Variants in PCMTD1 observed in about 807,000 individuals in gnomAD.
PCMTD1 encodes protein-L-isoaspartate O-methyltransferase domain-containing protein 1.
Under a neutral mutation model 37.6 loss-of-function variants are expected in PCMTD1, and 12 were observed. That is an observed-to-expected ratio of 0.32 (90% CI 0.20 to 0.52). The LOEUF (loss-of-function observed/expected upper bound fraction) is 0.52, where lower values mean the gene tolerates loss of function less well. PCMTD1 is among the 20% of genes least tolerant of loss of function. PCMTD1 has a pLI of 0.97. For synonymous variants in PCMTD1, 117 were observed against 135.8 expected (o/e 0.86, Z 0.96); for missense variants, 235 against 421.3 (o/e 0.56, Z 3.87).
intron 1 of PCMTD1, among the ~76,000 whole-genome samples, chr8:51,885,354 G>A (rs1016939640): frequency 2.0e-5 from 3 of 152,258 alleles, no homozygotes; most frequent in African/African-American, 7.2e-5. Flanking sequence ...GATCAGAGAG[G>A]GGAAGTTAGA....
intron 1 of PCMTD1, among the ~76,000 whole-genome samples, chr8:51,867,715 T>C (rs1482049189): frequency 1.3e-5 from 2 of 151,792 alleles, no homozygotes; most frequent in Non-Finnish European, 2.9e-5. Context: ...AAGACAGGCA[T>C]GGAAAGACAA....
At chr8:51,867,398 C>T (rs541213682) in intron 1 of PCMTD1, among the ~76,000 whole-genome samples, 9 of 151,782 alleles carry the variant, frequency 5.9e-5, no homozygotes, top group Admixed American at 1.3e-4. Context: ...TTCCCATGTT[C>T]ACTGCAGCAT....
intron 3 of PCMTD1, 47 bp from the exon 4 acceptor site, chr8:51,833,736 A>T: frequency 6.5e-7 from 1 of 1,529,532 alleles, no homozygotes; most frequent in Non-Finnish European, 8.9e-7. Flanking sequence ...AAAACATTAG[A>T]TCTAAAAAAT....
intron 1 of PCMTD1, among the ~76,000 whole-genome samples, chr8:51,867,565 ATTATATACATATAAAATCCAT>A (rs2038575213): frequency 6.6e-6 from 1 of 151,366 alleles, no homozygotes; most frequent in South Asian, 2.1e-4. Context: ...ATAGACTTAC[ATTATATACATATAAAATCCAT>A]TTATATATAT....
rs1484843798 is a variant in PCMTD1, at chr8:51,819,342, C to T, written c.*1009G>A. The T allele has an allele frequency of 1.3e-5, 2 of 151,876 alleles. No individual in the cohort carries two copies. Among genetic ancestry groups the T allele is most frequent in the African/African-American group, 2.4e-5 (1 of 41,310 alleles). The allele number at this position is 151,876 out of a possible 1,614,324, so 9.4% of individuals were successfully genotyped here. ...AAAAGCAAATGTAGGCTCAGCCCTA[C>T]CTTGTCAAAGATAAATATTCAGATA... is the stretch of plus-strand genomic sequence containing the variant. On this transcript the variant is annotated 3_prime_UTR_variant, in exon 6 of 6. Transcript: ENST00000522514.
intron 1 of PCMTD1, among the ~76,000 whole-genome samples, chr8:51,881,567 C>T (rs1193477917): frequency 3.3e-5 from 5 of 152,162 alleles, no homozygotes; most frequent in African/African-American, 1.2e-4. Context: ...GTAAGTTCAA[C>T]CTTCATTTGG....
chr8:51,835,206 T>C (rs548330748), intron 3 of PCMTD1, among the ~76,000 whole-genome samples: 2 of 152,362 alleles, frequency 1.3e-5, no homozygotes, highest in South Asian at 2.1e-4. Context: ...TATCTGTGTA[T>C]GTGCTGTTCC....
chr8:51,848,436 A>C, intron 2 of PCMTD1, among the ~76,000 whole-genome samples: 1 of 152,298 alleles, frequency 6.6e-6, no homozygotes, highest in Non-Finnish European at 1.5e-5. Flanking sequence ...AGAATATATA[A>C]ATATAATAAC....
Position 51,877,960 on chromosome 8 carries a change from AC to A in PCMTD1, c.-95-16715del, listed in dbSNP as rs537180150. Among the ~76,000 whole-genome samples, 191 of 152,282 alleles carry A rather than the reference AC, an allele frequency of 1.3e-3. 1 individual carries two copies. Among genetic ancestry groups the A allele is most frequent in the African/African-American group, 4.4e-3 (182 of 41,566 alleles). ...CAAACTACTCCAAATGGTGCAGAAA[AC>A]TCTGTGTGTGTGTAATAAAGCAAAT... On this transcript the variant is annotated intron_variant, in intron 1 of 5. Coordinates refer to ENST00000522514, the MANE Select transcript of PCMTD1 (RefSeq NM_052937.4).
At chr8:51,851,853 T>G (rs2038312775) in intron 2 of PCMTD1, among the ~76,000 whole-genome samples, 1 of 152,114 alleles carries the variant, frequency 6.6e-6, no homozygotes, top group African/African-American at 2.4e-5. Context: ...TTTCTCCATG[T>G]TGGTCAGGCT....
chr8:51,874,903 G>C (rs919035676), intron 1 of PCMTD1, among the ~76,000 whole-genome samples: 2 of 152,168 alleles, frequency 1.3e-5, no homozygotes, highest in Non-Finnish European at 2.9e-5. Flanking sequence ...TCAACTTAAA[G>C]AGCTCTCTTA....
intron 3 of PCMTD1, among the ~76,000 whole-genome samples, chr8:51,838,595 T>C (rs1468192138): frequency 1.3e-5 from 2 of 152,140 alleles, no homozygotes; most frequent in Non-Finnish European, 2.9e-5. Context: ...GGCTACCATG[T>C]TATCGAACAC....
intron 1 of PCMTD1, among the ~76,000 whole-genome samples, chr8:51,894,013 T>C (rs1305540454): frequency 6.6e-6 from 1 of 152,176 alleles, no homozygotes; most frequent in Non-Finnish European, 1.5e-5. Flanking sequence ...CAAAACAAAT[T>C]TAGAGTACAA....
intron 1 of PCMTD1, among the ~76,000 whole-genome samples, chr8:51,867,531 G>A (rs1023824236): frequency 6.7e-6 from 1 of 149,838 alleles, no homozygotes; most frequent in African/African-American, 2.5e-5. Flanking sequence ...ATAGGAATTT[G>A]AGAGAAAGAA....
intron 3 of PCMTD1, among the ~76,000 whole-genome samples, chr8:51,835,229 T>C (rs1162366133): frequency 6.6e-6 from 1 of 152,208 alleles, no homozygotes; most frequent in African/African-American, 2.4e-5. Flanking sequence ...TAACTTAAAA[T>C]ATCCTTCCCC....
At chr8:51,836,663 C>CT (rs539982513) in intron 3 of PCMTD1, among the ~76,000 whole-genome samples, 165 of 152,240 alleles carry the variant, frequency 1.1e-3, no homozygotes, top group Non-Finnish European at 2.0e-3. Context: ...AATTAAAAAT[C>CT]TCAGGAGTAG....
intron 1 of PCMTD1, among the ~76,000 whole-genome samples, chr8:51,862,596 T>C (rs1319106948): frequency 6.6e-6 from 1 of 151,974 alleles, no homozygotes; most frequent in Non-Finnish European, 1.5e-5. Context: ...GTAACAAGAG[T>C]TATGACAGTT....
chr8:51,838,594 G>A (rs1333383685), intron 3 of PCMTD1, among the ~76,000 whole-genome samples: 1 of 152,092 alleles, frequency 6.6e-6, no homozygotes, highest in East Asian at 1.9e-4. Flanking sequence ...TGGCTACCAT[G>A]TTATCGAACA....
intron 1 of PCMTD1, among the ~76,000 whole-genome samples, chr8:51,883,928 A>G (rs1585853613): frequency 6.6e-6 from 1 of 152,366 alleles, no homozygotes; most frequent in East Asian, 1.9e-4. Context: ...ATATTTGTGA[A>G]AGCAGGTCAA....
Sources: allele counts gnomAD v4.1 joint callset (sites outside exome capture counted in the v4.1 genomes callset), GRCh38; gene constraint gnomAD v4.1.1; transcripts MANE v1.5; gene names NCBI Gene and HGNC (gene_info 2026-07-23, HGNC 2026-07-21).